The following XRCC4 variants were observed in gnomAD, a reference collection of about 807,000 sequenced individuals.
The protein encoded by XRCC4 is X-ray repair cross complementing 4, also known as DNA repair protein XRCC4.
Under a neutral mutation model 39.1 loss-of-function variants are expected in XRCC4, and 28 were observed. That is an observed-to-expected ratio of 0.72 (90% CI 0.53 to 0.98). The LOEUF (loss-of-function observed/expected upper bound fraction) is 0.98, where lower values mean the gene tolerates loss of function less well. Ranked by LOEUF, XRCC4 falls within the 50% of genes least tolerant of loss-of-function variation. The pLI, the probability that XRCC4 is intolerant of heterozygous loss-of-function variation, is 0.00. For synonymous variants in XRCC4, 123 were observed against 126.4 expected, an observed-to-expected ratio of 0.97 and a Z score of 0.18; for missense variants, 350 against 376.4, an observed-to-expected ratio of 0.93 and a Z score of 0.58.
chr5:83,294,350 T>A (rs1268045308), intron 7 of XRCC4, among the ~76,000 whole-genome samples: 1 of 152,050 alleles, frequency 6.6e-6, no homozygotes, highest in Non-Finnish European at 1.5e-5. Flanking sequence ...AAAATGTTGG[T>A]ATTTTGAACA....
At chr5:83,327,648 A>G in intron 7 of XRCC4, among the ~76,000 whole-genome samples, 1 of 152,244 alleles carries the variant, frequency 6.6e-6, no homozygotes, top group East Asian at 1.9e-4. Flanking sequence ...TTATCAATAA[A>G]GCTGAAAAAT....
intron 3 of XRCC4, among the ~76,000 whole-genome samples, chr5:83,148,880 A>G (rs867469949): frequency 1.6e-4 from 25 of 152,056 alleles, no homozygotes; most frequent in African/African-American, 5.8e-4. Context: ...AAAAAATAGT[A>G]AAGAGATTGT....
At chr5:83,187,766 C>T (rs1177537577) in intron 3 of XRCC4, among the ~76,000 whole-genome samples, 3 of 152,040 alleles carry the variant, frequency 2.0e-5, no homozygotes, top group Admixed American at 1.3e-4. Context: ...TTGGTGTATC[C>T]GTACTGCCCA....
chr5:83,345,509 T>C (rs1756892878), intron 7 of XRCC4, among the ~76,000 whole-genome samples: 2 of 152,178 alleles, frequency 1.3e-5, no homozygotes, highest in Non-Finnish European at 2.9e-5. Flanking sequence ...TCATTGTTTT[T>C]GTCAAAAGTC....
At chr5:83,254,736 C>T (rs986344495) in intron 6 of XRCC4, among the ~76,000 whole-genome samples, 1 of 152,036 alleles carries the variant, frequency 6.6e-6, no homozygotes, top group Admixed American at 6.6e-5. Flanking sequence ...AGACCAAAGA[C>T]AATGAAAAGA....
chr5:83,236,418 C>T (rs1752692407), intron 6 of XRCC4, among the ~76,000 whole-genome samples: 1 of 151,994 alleles, frequency 6.6e-6, no homozygotes, highest in African/African-American at 2.4e-5. Flanking sequence ...TAAATCCATG[C>T]ATTTACAGTG....
intron 3 of XRCC4, among the ~76,000 whole-genome samples, chr5:83,173,417 C>A (rs1327450957): frequency 6.6e-6 from 1 of 152,144 alleles, no homozygotes; most frequent in African/African-American, 2.4e-5. Flanking sequence ...CTTTATAAAT[C>A]TCTTGCCTGC....
intron 1 of XRCC4, among the ~76,000 whole-genome samples, chr5:83,100,398 G>C (rs1745874732): frequency 6.6e-6 from 1 of 151,986 alleles, no homozygotes; most frequent in Non-Finnish European, 1.5e-5. Flanking sequence ...ATATTATTGT[G>C]AAAGTAGAAG....
intron 7 of XRCC4, among the ~76,000 whole-genome samples, chr5:83,263,027 G>A (rs13173870): frequency 7.7e-6 from 1 of 130,504 alleles, no homozygotes; most frequent in Non-Finnish European, 1.6e-5. Context: ...CCAGAGTGTA[G>A]TATTCCCCTT....
the XRCC4 span, among the ~76,000 whole-genome samples, chr5:83,373,628 C>T: frequency 6.6e-6 from 1 of 152,148 alleles, no homozygotes; most frequent in South Asian, 2.1e-4. Context: ...AATTGTCTTT[C>T]AATCCTGATC....
At chr5:83,262,728 A>G (rs1248736574) in intron 7 of XRCC4, among the ~76,000 whole-genome samples, 3 of 152,062 alleles carry the variant, frequency 2.0e-5, no homozygotes, top group African/African-American at 2.4e-5. Context: ...GCTTTTACCA[A>G]TAAAAATACT....
At chr5:83,189,963 C>A (rs141010896) in intron 3 of XRCC4, among the ~76,000 whole-genome samples, 2,747 of 152,214 alleles carry the variant, frequency 0.018, 78 homozygotes, top group African/African-American at 0.063. Context: ...ACGTGGGATG[C>A]TGAGGCAGGA....
At chr5:83,180,426 A>G (rs965954455) in intron 3 of XRCC4, among the ~76,000 whole-genome samples, 6 of 152,280 alleles carry the variant, frequency 3.9e-5, no homozygotes, top group African/African-American at 7.2e-5. Context: ...GACTATGCTC[A>G]TTAAAACATT....
chr5:83,161,980 A>T (rs1214521225), intron 3 of XRCC4, among the ~76,000 whole-genome samples: 1 of 152,120 alleles, frequency 6.6e-6, no homozygotes, highest in Non-Finnish European at 1.5e-5. Flanking sequence ...CCTGGCTAAC[A>T]TGGTGAAACC....
chr5:83,222,140 GTATT>G (rs1457250257), intron 6 of XRCC4, among the ~76,000 whole-genome samples: 9 of 151,752 alleles, frequency 5.9e-5, no homozygotes, highest in Admixed American at 2.6e-4. Context: ...TTTGATTGGA[GTATT>G]TATTCCATTT....
At chr5:83,371,116 C>G in the XRCC4 span, among the ~76,000 whole-genome samples, 1 of 152,108 alleles carries the variant, frequency 6.6e-6, no homozygotes, top group East Asian at 1.9e-4. Flanking sequence ...GCCTCCAAGC[C>G]CTTTCATCCA....
intron 7 of XRCC4, among the ~76,000 whole-genome samples, chr5:83,261,033 T>G (rs28360240): frequency 0.023 from 3,539 of 152,108 alleles, 127 homozygotes; most frequent in African/African-American, 0.081. Context: ...AAATGTTAAA[T>G]TATGTATTTT....
chr5:83,133,766 G>T (rs1016852653), intron 3 of XRCC4, among the ~76,000 whole-genome samples: 1 of 151,676 alleles, frequency 6.6e-6, no homozygotes. Flanking sequence ...GGAGTGTCCT[G>T]ATTTTCCAGT....
chr5:83,190,289 C>T (rs1325514881), intron 3 of XRCC4, among the ~76,000 whole-genome samples: 4 of 151,920 alleles, frequency 2.6e-5, no homozygotes, highest in Non-Finnish European at 4.4e-5. Flanking sequence ...AACTATGTAT[C>T]ACAACTATAT....
Sources: allele counts gnomAD v4.1 joint callset (sites outside exome capture counted in the v4.1 genomes callset), GRCh38; gene constraint gnomAD v4.1.1; transcripts MANE v1.5; gene names NCBI Gene and HGNC (gene_info 2026-07-23, HGNC 2026-07-21).